Variants in STARD3NL observed in about 807,000 individuals in gnomAD.
STARD3NL encodes the protein STARD3 N-terminal like, also known as STARD3 N-terminal-like protein.
A neutral mutation model predicts 30.9 loss-of-function variants in STARD3NL; 17 were observed. The ratio of observed to expected loss-of-function variants is 0.55; its 90% confidence interval spans 0.38 to 0.82. The LOEUF (loss-of-function observed/expected upper bound fraction) is 0.82, where lower values mean the gene tolerates loss of function less well. Ranked by LOEUF, STARD3NL falls within the 40% of genes least tolerant of loss-of-function variation. The probability of loss-of-function intolerance (pLI) is 0.00; values close to 1 mark genes in which losing one functional copy is unlikely to be tolerated. For missense variants in STARD3NL, 234 were observed against 277.6 expected (o/e 0.84, Z 1.12); for synonymous variants, 112 against 100.5 (o/e 1.11, Z -0.69).
intron 7 of STARD3NL, among the ~76,000 whole-genome samples, chr7:38,221,785 T>G (rs533800165): frequency 2.6e-5 from 4 of 152,328 alleles, no homozygotes; most frequent in African/African-American, 7.2e-5. Context: ...TTGTCTAGCT[T>G]CTCACCTTGT....
rs760254369 is a variant in STARD3NL, at chr7:38,215,044, G to T, written c.320G>T (p.Arg107Leu). The T allele has an allele frequency of 6.2e-7, 1 of 1,613,702 alleles. No individual in the cohort carries two copies. Among genetic ancestry groups the T allele is most frequent in the South Asian group, 1.1e-5 (1 of 91,064 alleles). ...YFDIFLLAVFRFKVLILAYAV... is the reference protein window; with the variant it reads ...YFDIFLLAVFLFKVLILAYAV... ...TACTTTCAGCTTCTGGCAGTTTTTC[G>T]ATTTAAAGTGTTAATACTTGCATAT... Residue 107 changes from arginine (R) to leucine (L), a missense_variant, in exon 4 of 9, where the codon CGA (arginine) becomes CTA (leucine). Arg to Leu is a moderately radical substitution (Grantham distance 102, BLOSUM62 -2). Transcript: ENST00000009041.
rs56319128 is a variant in STARD3NL at position 38,197,136 on chromosome 7, TTTTCTTTCTTTC to T, written c.-58-10263_-58-10252del. ...TGATCCTGTGAGATAGCATTACCTTTTTTCTTTCTTTCTTTCTTTCTTTCTTTCTTTCTTTCT... is the reference window on the plus strand; with the variant it reads ...TGATCCTGTGAGATAGCATTACCTTTTTTCTTTCTTTCTTTCTTTCTTTCT... On this transcript the variant is annotated intron_variant, in intron 1 of 8. Coordinates refer to ENST00000009041, the MANE Select transcript of STARD3NL (RefSeq NM_032016.4). Among the ~76,000 whole-genome samples, 213 of 112,378 alleles carry T rather than the reference TTTTCTTTCTTTC, an allele frequency of 1.9e-3. 1 individual carries two copies. The highest frequency in any genetic ancestry group is 0.018 in the South Asian group (57 of 3,116). The allele number at this position is 112,378 out of a possible 152,430, so 73.7% of individuals were successfully genotyped here.
intron 1 of STARD3NL, among the ~76,000 whole-genome samples, chr7:38,203,068 T>C (rs1405810039): frequency 6.6e-6 from 1 of 152,150 alleles, no homozygotes. Flanking sequence ...TGCAGGATAT[T>C]ATCCAGGAGA....
intron 1 of STARD3NL, among the ~76,000 whole-genome samples, chr7:38,198,715 C>T (rs916753667): frequency 1.3e-5 from 2 of 152,182 alleles, no homozygotes; most frequent in Admixed American, 6.5e-5. Flanking sequence ...CAGTCTCTCT[C>T]TTCTCCTCCT....
intron 2 of STARD3NL, among the ~76,000 whole-genome samples, chr7:38,213,587 A>G (rs77922561): frequency 0.014 from 2,117 of 150,752 alleles, 26 homozygotes; most frequent in Non-Finnish European, 0.024. Flanking sequence ...CCCTCTGATC[A>G]GGCTAATCCA....
At chr7:38,208,487 G>T (rs1785616856) in intron 2 of STARD3NL, among the ~76,000 whole-genome samples, 1 of 152,130 alleles carries the variant, frequency 6.6e-6, no homozygotes. Flanking sequence ...TCAAACAGAT[G>T]AAACTCATTT....
chr7:38,220,146 T>C (rs748499745), intron 7 of STARD3NL, among the ~76,000 whole-genome samples: 21 of 152,314 alleles, frequency 1.4e-4, no homozygotes, highest in Middle Eastern at 3.4e-3. Flanking sequence ...ATCCTGCCAC[T>C]TCTTATCAGC....
At chr7:38,199,097 T>A (rs533786854) in intron 1 of STARD3NL, among the ~76,000 whole-genome samples, 1 of 152,342 alleles carries the variant, frequency 6.6e-6, no homozygotes, top group Non-Finnish European at 1.5e-5. Context: ...GATTCTCATC[T>A]TCTCACCCAA....
In STARD3NL at chr7:38,197,136, T is replaced by TTTCTTTCTTTCTTTC. The variant is rs1784937316; in HGVS notation, c.-58-10309_-58-10308insCTTTCTTTCTTTCTT. 1.2e-3 allele frequency among the ~76,000 whole-genome samples: 133 copies of TTTCTTTCTTTCTTTC among 112,378 alleles called. 2 individuals are homozygous for TTTCTTTCTTTCTTTC. The East Asian group carries it at 0.013, about 11-fold the overall frequency. 73.7% of individuals were successfully genotyped at this position (112,378 alleles called of 152,430 possible). ...TGATCCTGTGAGATAGCATTACCTT[T>TTTCTTTCTTTCTTTC]TTTCTTTCTTTCTTTCTTTCTTTCT... On this transcript the variant is annotated intron_variant, in intron 1 of 8. Transcript: ENST00000009041.
intron 8 of STARD3NL, among the ~76,000 whole-genome samples, chr7:38,229,264 G>A (rs972946453): frequency 6.6e-6 from 1 of 152,204 alleles, no homozygotes; most frequent in African/African-American, 2.4e-5. Flanking sequence ...CAGAGACATA[G>A]AATGGGTCAC....
intron 1 of STARD3NL, among the ~76,000 whole-genome samples, chr7:38,194,139 A>C (rs1784808628): frequency 6.6e-6 from 1 of 152,086 alleles, no homozygotes; most frequent in Non-Finnish European, 1.5e-5. Context: ...ATATTTCCAG[A>C]GTATTGACTT....
chr7:38,181,411 T>A (rs1784241335), intron 1 of STARD3NL, among the ~76,000 whole-genome samples: 1 of 152,184 alleles, frequency 6.6e-6, no homozygotes, highest in South Asian at 2.1e-4. Flanking sequence ...AAAATCAGTT[T>A]ATAAATTAAT....
intron 1 of STARD3NL, among the ~76,000 whole-genome samples, chr7:38,185,405 A>G (rs1295717611): frequency 6.6e-6 from 1 of 152,186 alleles, no homozygotes; most frequent in African/African-American, 2.4e-5. Flanking sequence ...TAACATATGT[A>G]ACTTCTGCCT....
intron 6 of STARD3NL, among the ~76,000 whole-genome samples, chr7:38,219,083 G>C (rs914339025): frequency 6.6e-6 from 1 of 152,186 alleles, no homozygotes; most frequent in African/African-American, 2.4e-5. Context: ...CTGAGACAGG[G>C]CCTCACTTTG....
intron 1 of STARD3NL, among the ~76,000 whole-genome samples, chr7:38,200,077 C>T (rs1785103907): frequency 6.6e-6 from 1 of 152,122 alleles, no homozygotes; most frequent in African/African-American, 2.4e-5. Context: ...AATGCCATCC[C>T]AGAAATGTGT....
chr7:38,178,510 C>G (rs981787093), intron 1 of STARD3NL, 90 bp downstream of exon 1: 2 of 152,536 alleles, frequency 1.3e-5, no homozygotes, highest in African/African-American at 4.8e-5. Flanking sequence ...ACAGGGGACC[C>G]GCGGACGGAG....
At chr7:38,180,756 A>T (rs1784213561) in intron 1 of STARD3NL, among the ~76,000 whole-genome samples, 1 of 152,090 alleles carries the variant, frequency 6.6e-6, no homozygotes, top group Non-Finnish European at 1.5e-5. Flanking sequence ...CTATTACTTA[A>T]AATTATGTTT....
At chr7:38,197,211 TCC>T (rs1491292948) in intron 1 of STARD3NL, among the ~76,000 whole-genome samples, 2 of 144,450 alleles carry the variant, frequency 1.4e-5, no homozygotes, top group African/African-American at 5.1e-5. Flanking sequence ...TCTCTCTCTT[TCC>T]CTCTCTCTTT....
intron 1 of STARD3NL, among the ~76,000 whole-genome samples, chr7:38,206,016 G>T (rs991452866): frequency 6.6e-6 from 1 of 152,194 alleles, no homozygotes; most frequent in African/African-American, 2.4e-5. Flanking sequence ...CATAAATGCT[G>T]TGCCATTTTA....
Sources: allele counts gnomAD v4.1 joint callset (sites outside exome capture counted in the v4.1 genomes callset), GRCh38; gene constraint gnomAD v4.1.1; transcripts MANE v1.5; gene names NCBI Gene and HGNC (gene_info 2026-07-23, HGNC 2026-07-21).